Variants in BTBD2 observed in about 807,000 individuals in gnomAD.
BTBD2 encodes the protein BTB domain containing 2.
BTBD2 carries 15 observed loss-of-function variants against 44.0 expected under a neutral mutation model. That is an observed-to-expected ratio of 0.34 (90% CI 0.23 to 0.53). BTBD2 has a LOEUF of 0.53. Ranked by LOEUF, BTBD2 falls within the 20% of genes least tolerant of loss-of-function variation. The pLI, the probability that BTBD2 is intolerant of heterozygous loss-of-function variation, is 0.95. For missense variants in BTBD2, 657 were observed against 746.4 expected (o/e 0.88, Z 1.39); for synonymous variants, 443 against 335.9 (o/e 1.32, Z -3.49).
chr19:1,986,308 CACACTCGTGGTGA>C lies in BTBD2; in HGVS notation c.*167_*179del. The C allele has an allele frequency of 1.3e-6, 1 of 748,084 alleles. No individual in the cohort carries two copies. The highest frequency in any genetic ancestry group is 2.1e-6 in the Non-Finnish European group (1 of 468,230). 46.3% of individuals were successfully genotyped at this position (748,084 alleles called of 1,614,324 possible). A position where few individuals can be genotyped will look rare whatever the true frequency, so the allele number is the denominator to read the frequency against. On this transcript the variant is annotated 3_prime_UTR_variant, in exon 9 of 9. Coordinates refer to ENST00000255608, the MANE Select transcript of BTBD2 (RefSeq NM_017797.4). The stretch of plus-strand genomic sequence containing the variant: ...TCCCCGGCTGCCCTGATCCAGCAGC[CACACTCGTGGTGA>C]ACACAGGGCAACCCCGTCCTGATGC...
At chr19:1,998,093 TCACA>T (rs34588963) in intron 1 of BTBD2, among the ~76,000 whole-genome samples, 51 of 151,648 alleles carry the variant, frequency 3.4e-4, no homozygotes, top group Non-Finnish European at 6.5e-4. Flanking sequence ...ACTCACCCAT[TCACA>T]CACACACACA....
chr19:2,008,164 C>G (rs535925522), intron 1 of BTBD2, among the ~76,000 whole-genome samples: 1 of 152,164 alleles, frequency 6.6e-6, no homozygotes, highest in African/African-American at 2.4e-5. Flanking sequence ...GCCACCACGC[C>G]TGGCTAATTT....
At chr19:1,999,835 G>A (rs1464875232) in intron 1 of BTBD2, among the ~76,000 whole-genome samples, 10 of 151,360 alleles carry the variant, frequency 6.6e-5, no homozygotes, top group East Asian at 3.9e-4. Context: ...GGTGGTGGGT[G>A]CCTGTAATCC....
chr19:1,999,736 A>G (rs1361588998), intron 1 of BTBD2, among the ~76,000 whole-genome samples: 5 of 151,828 alleles, frequency 3.3e-5, no homozygotes, highest in Admixed American at 2.6e-4. Context: ...CAAGGCAGGC[A>G]AATCACCTGG....
intron 1 of BTBD2, chr19:2,002,839 G>C (rs1007400374): frequency 7.0e-6 from 1 of 143,566 alleles, no homozygotes; most frequent in African/African-American, 2.6e-5. Context: ...ATTGCGCCAC[G>C]GCACTCCAGC....
At chr19:1,997,550 C>T in intron 1 of BTBD2, 87 bp from the exon 2 acceptor site, 24 of 1,557,882 alleles carry the variant, frequency 1.5e-5, no homozygotes, top group Non-Finnish European at 2.1e-5. Context: ...GGGTGACCAC[C>T]CCACTAGGGC....
intron 1 of BTBD2, among the ~76,000 whole-genome samples, chr19:2,005,741 C>T (rs939437919): frequency 4.7e-5 from 7 of 150,448 alleles, no homozygotes; most frequent in African/African-American, 1.5e-4. Flanking sequence ...AAGATCACAC[C>T]ATCGCGCTCC....
intron 1 of BTBD2, among the ~76,000 whole-genome samples, chr19:2,007,005 T>C (rs148231720): frequency 0.013 from 2,016 of 152,044 alleles, 35 homozygotes; most frequent in African/African-American, 0.045. Context: ...TTACAGGCGC[T>C]CGCCACCACG....
At chr19:2,001,220 G>A (rs562807461) in intron 1 of BTBD2, among the ~76,000 whole-genome samples, 5 of 152,210 alleles carry the variant, frequency 3.3e-5, no homozygotes, top group East Asian at 3.9e-4. Context: ...AGGAGGCACC[G>A]GGCACGGTGG....
chr19:2,010,926 C>T (rs151200269), intron 1 of BTBD2, among the ~76,000 whole-genome samples: 9 of 152,338 alleles, frequency 5.9e-5, no homozygotes, highest in Non-Finnish European at 1.3e-4. Flanking sequence ...GCGTGAGCCA[C>T]TGCGCCCGGC....
chr19:1,987,003 T>C (rs1212390285), intron 7 of BTBD2, 27 bp from the exon 8 acceptor site: 3 of 1,604,662 alleles, frequency 1.9e-6, no homozygotes, highest in African/African-American at 1.3e-5. Context: ...AGTGGGAGGC[T>C]CAGGCCTGGG....
At position 1,990,911 on chromosome 19, in the gene BTBD2, C is replaced by G; in HGVS notation, c.685-89G>C. ...CAGTGCGGGGCCGGTTCAAATGCAG[C>G]CCTGACCACACGGGCCTTCCTGAGC... On this transcript the variant is annotated intron_variant, in intron 3 of 8. Coordinates refer to ENST00000255608, the MANE Select transcript of BTBD2 (RefSeq NM_017797.4). The G allele has an allele frequency of 3.3e-6, 4 of 1,208,702 alleles. No homozygotes were observed. In the South Asian group the frequency reaches 5.4e-5, roughly 16 times the overall value. 74.9% of individuals were successfully genotyped at this position (1,208,702 alleles called of 1,614,324 possible).
intron 5 of BTBD2, chr19:1,989,788 G>A: frequency 1.7e-6 from 1 of 593,326 alleles, no homozygotes; most frequent in Non-Finnish European, 3.0e-6. Flanking sequence ...ACGAGAGGCG[G>A]GGTCTGGCAG....
In BTBD2 at chr19:1,986,409, G is replaced by A. The variant is rs558762072; in HGVS notation, c.*79C>T. The A allele has an allele frequency of 2.6e-6, 4 of 1,552,736 alleles. No individual in the cohort carries two copies. In the East Asian group the frequency reaches 9.0e-5, roughly 35 times the overall value. On this transcript the variant is annotated 3_prime_UTR_variant, in exon 9 of 9. Coordinates refer to ENST00000255608, the MANE Select transcript of BTBD2 (RefSeq NM_017797.4). The stretch of plus-strand genomic sequence containing the variant: ...GACACTGGGCCTGGCACCGCGTGGT[G>A]GGGGGGCCCCAGCAGCAGATGATGG...
At chr19:2,012,440 G>A (rs1051537162) in intron 1 of BTBD2, among the ~76,000 whole-genome samples, 2 of 152,154 alleles carry the variant, frequency 1.3e-5, no homozygotes, top group Non-Finnish European at 2.9e-5. Flanking sequence ...GTGCGCCCCC[G>A]CACCCGGCCC....
In BTBD2 at chr19:1,990,773, A is replaced by C; in HGVS notation, c.734T>G (p.Ile245Ser). Residue 245 changes from isoleucine to serine, a missense_variant, in exon 4 of 9, where the codon ATC becomes AGC. By Grantham distance (142) the Ile-to-Ser change is moderately radical (BLOSUM62 -2). Around this residue, in one of 3 missense-constraint regions of BTBD2, gnomAD observed 449 missense variants for 510.9 expected, o/e 0.88. Coordinates refer to ENST00000255608, the MANE Select transcript of BTBD2 (RefSeq NM_017797.4). ...GATGGCGTCTGCAGTGTTTTTGTCG[A>C]TGTTCTCCAGGCACAGGCTGGCCAG... ...PQLASLCLENIDKNTADAITA... is the reference protein window; with the variant it reads ...PQLASLCLENSDKNTADAITA... The C allele has an allele frequency of 6.2e-7, 1 of 1,601,140 alleles. No homozygotes were observed. The highest frequency in any genetic ancestry group is 8.5e-7 in the Non-Finnish European group (1 of 1,174,494).
chr19:1,989,943 C>T, intron 5 of BTBD2, 61 bp downstream of exon 5: 18 of 1,581,298 alleles, frequency 1.1e-5, no homozygotes, highest in Non-Finnish European at 1.5e-5. Context: ...CCTCGGTACC[C>T]AGATGCCCAC....
At chr19:1,987,472 A>G in intron 6 of BTBD2, 28 bp downstream of exon 6, 27 of 635,334 alleles carry the variant, frequency 4.2e-5, no homozygotes, top group Non-Finnish European at 6.2e-5. Flanking sequence ...CCATGTCCGG[A>G]CCCCCCCGCC....
At chr19:1,995,448 AT>A (rs1171382312) in intron 2 of BTBD2, among the ~76,000 whole-genome samples, 18 of 147,742 alleles carry the variant, frequency 1.2e-4, no homozygotes, top group Admixed American at 9.5e-4. Context: ...TGCCCGGCTA[AT>A]TTTTTTGTAT....
Sources: allele counts gnomAD v4.1 joint callset (sites outside exome capture counted in the v4.1 genomes callset), GRCh38; gene constraint gnomAD v4.1.1; regional missense constraint gnomAD v4.1.1; transcripts MANE v1.5; gene names NCBI Gene and HGNC (gene_info 2026-07-23, HGNC 2026-07-21).